Variants in PTPRT observed in about 807,000 individuals in gnomAD.
The protein encoded by PTPRT is protein tyrosine phosphatase receptor type T, also known as receptor-type tyrosine-protein phosphatase T.
A neutral mutation model predicts 176.8 loss-of-function variants in PTPRT; 56 were observed. The observed-to-expected ratio is 0.32, with a 90% CI of 0.26 to 0.40. The LOEUF is 0.40. PTPRT is among the 10% of genes least tolerant of loss of function. The pLI, the probability that PTPRT is intolerant of heterozygous loss-of-function variation, is 1.00. For missense variants in PTPRT, 1,540 were observed against 1,908.2 expected (o/e 0.81, Z 3.60); for synonymous variants, 783 against 739.0 (o/e 1.06, Z -0.96).
At chr20:42,084,655 C>T in intron 29 of PTPRT, 27 bp downstream of exon 29, 1 of 1,408,034 alleles carries the variant, frequency 7.1e-7, no homozygotes, top group Non-Finnish European at 9.4e-7. Flanking sequence ...CACCCTATTG[C>T]CCTGGTGACA....
chr20:42,940,472 G>A (rs1038331229), intron 1 of PTPRT, among the ~76,000 whole-genome samples: 10 of 152,160 alleles, frequency 6.6e-5, no homozygotes, highest in Admixed American at 6.5e-5. Flanking sequence ...ACATGAAAGG[G>A]TAAAATGAAT....
intron 18 of PTPRT, among the ~76,000 whole-genome samples, chr20:42,130,378 G>C (rs752759960): frequency 1.1e-4 from 16 of 152,174 alleles, no homozygotes; most frequent in Non-Finnish European, 2.4e-4. Flanking sequence ...TGGGATTCTA[G>C]TAGGAGCTGG....
chr20:42,522,547 G>A (rs919808283), intron 7 of PTPRT, among the ~76,000 whole-genome samples: 4 of 151,914 alleles, frequency 2.6e-5, no homozygotes, highest in Non-Finnish European at 5.9e-5. Flanking sequence ...TGCAACCTCC[G>A]CCTCCCAGGT....
intron 7 of PTPRT, among the ~76,000 whole-genome samples, chr20:42,656,895 T>C: frequency 6.6e-6 from 1 of 152,176 alleles, no homozygotes. Context: ...ATTTTTAATA[T>C]CTGTTAATGC....
chr20:42,318,908 G>A (rs776595153), intron 11 of PTPRT, among the ~76,000 whole-genome samples: 12 of 152,158 alleles, frequency 7.9e-5, no homozygotes, highest in Admixed American at 6.5e-4. Flanking sequence ...CTCCCGTGAT[G>A]GGATGGATCA....
chr20:42,224,326 A>C (rs1348488228), intron 15 of PTPRT, among the ~76,000 whole-genome samples: 1 of 152,236 alleles, frequency 6.6e-6, no homozygotes, highest in Non-Finnish European at 1.5e-5. Context: ...GTATGTGCTC[A>C]GGGCATTTTT....
chr20:42,401,219 C>T (rs1258038808), intron 9 of PTPRT, among the ~76,000 whole-genome samples: 2 of 151,936 alleles, frequency 1.3e-5, no homozygotes, highest in African/African-American at 2.4e-5. Context: ...TAACGCATTA[C>T]AGGTTTAATG....
At chr20:42,151,124 G>T (rs1989110141) in intron 17 of PTPRT, among the ~76,000 whole-genome samples, 2 of 132,842 alleles carry the variant, frequency 1.5e-5, no homozygotes, top group South Asian at 4.4e-4. Flanking sequence ...AAAACATCAA[G>T]GATTTTTTTT....
intron 1 of PTPRT, among the ~76,000 whole-genome samples, chr20:42,963,627 T>C (rs531226357): frequency 1.2e-4 from 19 of 152,056 alleles, no homozygotes; most frequent in Admixed American, 3.3e-4. Context: ...CTTTAAATAA[T>C]AATTATTAAA....
At chr20:42,969,678 C>A (rs1306454967) in intron 1 of PTPRT, 2 of 152,120 alleles carry the variant, frequency 1.3e-5, no homozygotes, top group African/African-American at 4.8e-5. Context: ...TTGGTACAGA[C>A]TTATTTGGTG....
At chr20:42,806,103 GC>G (rs1284645380) in intron 2 of PTPRT, among the ~76,000 whole-genome samples, 3 of 150,846 alleles carry the variant, frequency 2.0e-5, no homozygotes, top group Non-Finnish European at 4.4e-5. Context: ...TCAAAACCCA[GC>G]CCTCTCATTT....
intron 2 of PTPRT, among the ~76,000 whole-genome samples, chr20:42,848,314 C>T (rs2078411454): frequency 6.6e-6 from 1 of 152,102 alleles, no homozygotes; most frequent in African/African-American, 2.4e-5. Flanking sequence ...TTTGTATAAT[C>T]ACTTCTTTTC....
chr20:42,575,511 C>T (rs2145703664), intron 7 of PTPRT, among the ~76,000 whole-genome samples: 1 of 152,322 alleles, frequency 6.6e-6, no homozygotes, highest in East Asian at 1.9e-4. Flanking sequence ...GTGGCAACCT[C>T]AAATCTTTCT....
At chr20:42,851,238 C>T (rs1352324400) in intron 2 of PTPRT, among the ~76,000 whole-genome samples, 8 of 152,180 alleles carry the variant, frequency 5.3e-5, no homozygotes, top group African/African-American at 1.9e-4. Context: ...TAATAAATAG[C>T]ATTCTGCCTG....
chr20:43,129,822 T>G (rs1394553318), intron 1 of PTPRT, among the ~76,000 whole-genome samples: 2 of 151,198 alleles, frequency 1.3e-5, no homozygotes, highest in Admixed American at 6.6e-5. Context: ...GTTTCACCGT[T>G]TTAGCCGGGA....
chr20:42,973,420 C>T (rs563508870), intron 1 of PTPRT, among the ~76,000 whole-genome samples: 8 of 152,164 alleles, frequency 5.3e-5, no homozygotes, highest in Non-Finnish European at 1.0e-4. Context: ...CTCCACCCCA[C>T]TTCTTTATCC....
rs192595412 is a variant in PTPRT, at chr20:42,947,244, C to G, written c.89-61312G>C. 2.6e-5 allele frequency among the ~76,000 whole-genome samples: 4 copies of G among 152,330 alleles called. No individual in the cohort carries two copies. The East Asian group carries it at 7.7e-4, about 29-fold the overall frequency. On this transcript the variant is annotated intron_variant, in intron 1 of 30. Transcript: ENST00000373187. The stretch of plus-strand genomic sequence containing the variant: ...ATAAAGAAATTTGGAATCAAGAATG[C>G]AGGCTTACAGGAAAGTTGGATTATT...
chr20:43,179,916 ATGTG>A (rs1249552969), intron 1 of PTPRT, among the ~76,000 whole-genome samples: 2 of 152,108 alleles, frequency 1.3e-5, no homozygotes, highest in Non-Finnish European at 2.9e-5. Flanking sequence ...GGTTAATCCT[ATGTG>A]TCAACTCGGC....
intron 8 of PTPRT, among the ~76,000 whole-genome samples, chr20:42,460,877 A>G (rs574256967): frequency 1.8e-3 from 271 of 152,334 alleles, no homozygotes; most frequent in Non-Finnish European, 3.0e-3. Context: ...TCTTTATAGC[A>G]GTATGAAAAT....
Sources: allele counts gnomAD v4.1 joint callset (sites outside exome capture counted in the v4.1 genomes callset), GRCh38; gene constraint gnomAD v4.1.1; transcripts MANE v1.5; gene names NCBI Gene and HGNC (gene_info 2026-07-23, HGNC 2026-07-21).